The following MBD5 variants were observed in gnomAD, a reference collection of about 807,000 sequenced individuals.
MBD5 encodes the protein methyl-CpG binding domain protein 5, also known as methyl-CpG-binding domain protein 5.
Under a neutral mutation model 117.3 loss-of-function variants are expected in MBD5, and 13 were observed. That is an observed-to-expected ratio of 0.11 (90% CI 0.07 to 0.18). The LOEUF is 0.18. Among genes scored for constraint, MBD5 ranks in the 10% least tolerant of loss-of-function variants. MBD5 has a pLI of 1.00. For missense variants in MBD5, 1,879 were observed against 2,093.8 expected (o/e 0.90, Z 2.00); for synonymous variants, 727 against 766.4 (o/e 0.95, Z 0.85).
At chr2:148,389,888 CTT>C (rs754214174) in intron 4 of MBD5, among the ~76,000 whole-genome samples, 33 of 151,890 alleles carry the variant, frequency 2.2e-4, no homozygotes, top group Non-Finnish European at 4.0e-4. Context: ...TAGGTTGTCT[CTT>C]TGTTGATTTT....
Position 148,433,597 on chromosome 2 carries a change from A to G in MBD5, c.-556-24606A>G, listed in dbSNP as rs186176303. On this transcript the variant is annotated intron_variant, in intron 4 of 13. Transcript: ENST00000642680. The stretch of plus-strand genomic sequence containing the variant: ...TTTATTAAAAGCCTTTTCTGCATCT[A>G]TTGAGATGATCATGTAATTTTTGTA... 3.3e-5 allele frequency among the ~76,000 whole-genome samples: 5 copies of G among 152,284 alleles called. No individual in the cohort carries two copies. In the East Asian group the frequency reaches 9.6e-4, roughly 29 times the overall value.
At chr2:148,100,707 G>GTGA (rs1696188180) in intron 1 of MBD5, among the ~76,000 whole-genome samples, 1 of 152,222 alleles carries the variant, frequency 6.6e-6, no homozygotes, top group Non-Finnish European at 1.5e-5. Flanking sequence ...TCATAACATG[G>GTGA]TGATCAGATC....
At chr2:148,299,908 C>A (rs1701742546) in intron 3 of MBD5, among the ~76,000 whole-genome samples, 2 of 152,208 alleles carry the variant, frequency 1.3e-5, no homozygotes, top group African/African-American at 4.8e-5. Flanking sequence ...CAAAAACTTA[C>A]TGCTTTCTCT....
intron 7 of MBD5, among the ~76,000 whole-genome samples, chr2:148,467,090 T>C (rs2105610495): frequency 6.6e-6 from 1 of 152,292 alleles, no homozygotes; most frequent in Middle Eastern, 3.4e-3. Flanking sequence ...TCATCTCCTA[T>C]GCCTGTAACA....
chr2:148,216,807 C>T (rs550163559), intron 2 of MBD5, among the ~76,000 whole-genome samples: 2 of 152,192 alleles, frequency 1.3e-5, no homozygotes, highest in African/African-American at 2.4e-5. Context: ...TTACTTCTTC[C>T]GCTGACCCTC....
intron 4 of MBD5, among the ~76,000 whole-genome samples, chr2:148,381,279 T>G (rs979859786): frequency 1.3e-5 from 2 of 152,108 alleles, no homozygotes; most frequent in Non-Finnish European, 2.9e-5. Context: ...TTAAAGGAAC[T>G]AATGGAGCTG....
At chr2:148,111,968 T>C (rs1186211425) in intron 1 of MBD5, among the ~76,000 whole-genome samples, 4 of 152,142 alleles carry the variant, frequency 2.6e-5, no homozygotes, top group Non-Finnish European at 5.9e-5. Flanking sequence ...ATGTGGTCTA[T>C]CTCTCTCAAA....
Position 148,469,857 on chromosome 2 carries a change from A to G in MBD5, c.1914A>G (p.Gln638=), listed in dbSNP as rs1680733101. Residue 638 remains glutamine, a synonymous_variant, in exon 8 of 14, where the codon CAA becomes CAG. Coordinates refer to ENST00000642680, the MANE Select transcript of MBD5 (RefSeq NM_001378120.1). The part of the protein sequence containing the change: ...ANMLLPTGEG[Q]SGRAALRDKL... The stretch of plus-strand genomic sequence containing the variant: ...TGCTTCTCCCAACAGGTGAAGGGCA[A>G]AGTGGTCGAGCAGCACTAAGAGATA... 1 of 1,613,852 alleles carries G rather than the reference A, an allele frequency of 6.2e-7. No individual in the cohort carries two copies. Among genetic ancestry groups the G allele is most frequent in the African/African-American group, 1.3e-5 (1 of 74,910 alleles).
chr2:148,036,311 T>C (rs1458464547), intron 1 of MBD5, among the ~76,000 whole-genome samples: 1 of 152,152 alleles, frequency 6.6e-6, no homozygotes, highest in Non-Finnish European at 1.5e-5. Flanking sequence ...TCTGTTCTCC[T>C]TATTGAGAAT....
At chr2:148,378,290 A>G (rs927409288) in intron 4 of MBD5, among the ~76,000 whole-genome samples, 6 of 152,290 alleles carry the variant, frequency 3.9e-5, no homozygotes, top group African/African-American at 1.4e-4. Context: ...GTTTCCTGAT[A>G]AATTTCAAAG....
In MBD5 at chr2:148,318,753, CTT is replaced by C. The variant is rs200962848; in HGVS notation, c.-679-23459_-679-23458del. 4.8e-3 allele frequency among the ~76,000 whole-genome samples: 738 copies of C among 152,272 alleles called. 7 individuals are homozygous for C. The highest frequency in any genetic ancestry group is 0.017 in the African/African-American group (689 of 41,566). On this transcript the variant is annotated intron_variant, in intron 3 of 13. Coordinates refer to ENST00000642680, the MANE Select transcript of MBD5 (RefSeq NM_001378120.1). Reference sequence around the variant, plus strand: ...TTTCTTCTTGAGACAGAATCTCACTCTTTCCCAGGCTGAAGTGCAGTGGTGCA... The same window carrying C: ...TTTCTTCTTGAGACAGAATCTCACTCTCCCAGGCTGAAGTGCAGTGGTGCA...
chr2:148,360,412 C>T (rs1703499745), intron 4 of MBD5, among the ~76,000 whole-genome samples: 1 of 152,080 alleles, frequency 6.6e-6, no homozygotes, highest in Non-Finnish European at 1.5e-5. Context: ...ATAGGAAAAA[C>T]AAAAGACATT....
At chr2:148,359,266 CAA>C (rs3076505) in intron 4 of MBD5, among the ~76,000 whole-genome samples, 62,592 of 123,218 alleles carry the variant, frequency 0.51, 13,275 homozygotes, top group East Asian at 0.74. Flanking sequence ...GGCTCTGTCT[CAA>C]AAAAAAAAAA....
intron 3 of MBD5, among the ~76,000 whole-genome samples, chr2:148,282,037 T>C (rs915401978): frequency 4.6e-5 from 7 of 152,220 alleles, no homozygotes; most frequent in Non-Finnish European, 2.9e-5. Flanking sequence ...GACTTTTATT[T>C]TTAGTACAGC....
chr2:148,114,042 A>T (rs1696562144), intron 1 of MBD5, among the ~76,000 whole-genome samples: 1 of 152,134 alleles, frequency 6.6e-6, no homozygotes, highest in Non-Finnish European at 1.5e-5. Flanking sequence ...AATATTGTGT[A>T]GTTTTTCCAT....
At chr2:148,367,408 T>C (rs1703732795) in intron 4 of MBD5, among the ~76,000 whole-genome samples, 1 of 152,158 alleles carries the variant, frequency 6.6e-6, no homozygotes, top group Non-Finnish European at 1.5e-5. Context: ...ATTCAGGACA[T>C]AGACATGGGC....
chr2:148,483,302 G>A lies in MBD5; in HGVS notation c.2711G>A (p.Ser904Asn), dbSNP rs398124344. Reference sequence around the variant, plus strand: ...CACGCACTTCATTTTCCATCCAACAGCACTTCAAACAACCATCTTCCACAC... The same window carrying A: ...CACGCACTTCATTTTCCATCCAACAACACTTCAAACAACCATCTTCCACAC... The part of the protein sequence containing the change: ...QEHALHFPSN[S>N]TSNNHLPHPL... Residue 904 changes from serine to asparagine, a missense_variant, in exon 9 of 14, where the codon AGC becomes AAC. This residue lies in a region of MBD5 where 1,666 missense variants were observed against 1,792.2 expected (regional missense o/e 0.93). Coordinates refer to ENST00000642680, the MANE Select transcript of MBD5 (RefSeq NM_001378120.1). 30 of 1,613,852 alleles carry A rather than the reference G, an allele frequency of 1.9e-5. No homozygotes were observed. The highest frequency in any genetic ancestry group is 2.5e-5 in the Non-Finnish European group (29 of 1,179,986).
In MBD5 at chr2:148,246,555, A is replaced by G. The variant is rs528308266; in HGVS notation, c.-680+13160A>G. On this transcript the variant is annotated intron_variant, in intron 3 of 13. Coordinates refer to ENST00000642680, the MANE Select transcript of MBD5 (RefSeq NM_001378120.1). ...GGAGACTGAGGCAGGTGGATCATGA[A>G]GTCAGGAGTTCAAGACCAGCCTAGC... Among the ~76,000 whole-genome samples, 5 of 152,018 alleles carry G rather than the reference A, an allele frequency of 3.3e-5. No individual in the cohort carries two copies. The South Asian group carries it at 8.3e-4, about 25-fold the overall frequency.
At chr2:148,488,063 G>C (rs1245867435) in intron 10 of MBD5, among the ~76,000 whole-genome samples, 1 of 152,228 alleles carries the variant, frequency 6.6e-6, no homozygotes, top group African/African-American at 2.4e-5. Flanking sequence ...CAGGATCCTT[G>C]AGGAAGGGGC....
Sources: gnomAD v4.1 joint callset for allele counts (sites outside exome capture counted in the v4.1 genomes callset) on GRCh38, gnomAD v4.1.1 for gene constraint, gnomAD v4.1.1 regional missense constraint, MANE v1.5 for transcripts, NCBI Gene and HGNC (gene_info 2026-07-23, HGNC 2026-07-21) for gene names.